The following TDRD12 variants were observed in gnomAD, a reference collection of about 807,000 sequenced individuals.
TDRD12 encodes the protein tudor domain containing 12, also known as putative ATP-dependent RNA helicase TDRD12.
A neutral mutation model predicts 133.5 loss-of-function variants in TDRD12; 158 were observed. That is an observed-to-expected ratio of 1.18 (90% CI 1.04 to 1.35). The LOEUF is 1.35. Among genes scored for constraint, TDRD12 ranks in the 40% most tolerant of loss-of-function variants. The pLI is 0.00. For synonymous variants in TDRD12, 460 were observed against 477.9 expected, an observed-to-expected ratio of 0.96 and a Z score of 0.49; for missense variants, 1,443 against 1,321.3, an observed-to-expected ratio of 1.09 and a Z score of -1.43.
At chr19:32,721,114 A>G (rs1000869592) in intron 1 of TDRD12, among the ~76,000 whole-genome samples, 2 of 151,800 alleles carry the variant, frequency 1.3e-5, no homozygotes, top group Admixed American at 6.6e-5. Flanking sequence ...CTGTTGCCCT[A>G]TCCGCTCACC....
Position 32,778,469 on chromosome 19 carries a change from A to G in TDRD12, c.1121+1240A>G, listed in dbSNP as rs539618532. 4.6e-5 allele frequency among the ~76,000 whole-genome samples: 7 copies of G among 151,866 alleles called. No individual in the cohort carries two copies. In the East Asian group the frequency reaches 1.2e-3, roughly 25 times the overall value. On this transcript the variant is annotated intron_variant, in intron 11 of 27. Coordinates refer to ENST00000444215, the Ensembl canonical transcript of TDRD12. ...TTTTCAATTATAACCTGGCAAATTAACCCTGGAATATTCTTTTTTTCATTA... is the reference window on the plus strand; with the variant it reads ...TTTTCAATTATAACCTGGCAAATTAGCCCTGGAATATTCTTTTTTTCATTA...
chr19:32,822,486 GCCTGTAATCCCAGCA>G (rs1305353348), downstream of TDRD12, among the ~76,000 whole-genome samples: 43 of 152,192 alleles, frequency 2.8e-4, no homozygotes, highest in African/African-American at 1.0e-3. Context: ...GGTGTCTCAC[GCCTGTAATCCCAGCA>G]CTTTGGGAGG....
At chr19:32,785,685 C>A (rs1214259320) in intron 11 of TDRD12, among the ~76,000 whole-genome samples, 3 of 151,920 alleles carry the variant, frequency 2.0e-5, no homozygotes, top group Non-Finnish European at 4.4e-5. Context: ...TATGTAATGG[C>A]CTTCTTTATG....
intron 3 of TDRD12, among the ~76,000 whole-genome samples, chr19:32,742,060 A>G (rs540561965): frequency 4.6e-5 from 7 of 152,302 alleles, no homozygotes; most frequent in African/African-American, 1.4e-4. Context: ...AATTTTGGTC[A>G]TATATTGAGA....
At chr19:32,815,735 C>T (rs912632164) in intron 26 of TDRD12, 115 bp downstream of exon 26, 12 of 1,019,012 alleles carry the variant, frequency 1.2e-5, no homozygotes, top group Middle Eastern at 2.2e-4. Flanking sequence ...GTGGCTCACA[C>T]CTGTAATCCC....
In TDRD12 at chr19:32,739,560, T is replaced by TTGCATCTCCTGGCTGCTGTC. The variant is rs1361059295; in HGVS notation, c.320+601_320+620dup. ...CTCTTTGCATCTCCTGGGGCTCTCT[T>TTGCATCTCCTGGCTGCTGTC]TGCATCTCCTGGCTGCTGTCTGCAT... On this transcript the variant is annotated intron_variant, in intron 3 of 27. Coordinates refer to ENST00000444215, the Ensembl canonical transcript of TDRD12. Among the ~76,000 whole-genome samples, 7 of 132,268 alleles carry TTGCATCTCCTGGCTGCTGTC rather than the reference T, an allele frequency of 5.3e-5. No individual in the cohort carries two copies. In the South Asian group the frequency reaches 1.1e-3, roughly 20 times the overall value. 86.8% of individuals were successfully genotyped at this position (132,268 alleles called of 152,430 possible). A position where few individuals can be genotyped will look rare whatever the true frequency, so the allele number is the denominator to read the frequency against.
intron 23 of TDRD12, 62 bp downstream of exon 23, chr19:32,810,339 A>G: frequency 5.9e-6 from 8 of 1,362,764 alleles, no homozygotes; most frequent in Non-Finnish European, 7.8e-6. Context: ...AGTGGTGTTG[A>G]GTTCCGATTT....
At chr19:32,777,795 C>T (rs570702029) in intron 11 of TDRD12, among the ~76,000 whole-genome samples, 7 of 119,566 alleles carry the variant, frequency 5.9e-5, no homozygotes, top group African/African-American at 2.2e-4. Context: ...TAGGCATGCA[C>T]CACCATAACT....
intron 8 of TDRD12, among the ~76,000 whole-genome samples, chr19:32,768,949 G>T (rs1970370206): frequency 6.6e-6 from 1 of 151,982 alleles, no homozygotes; most frequent in African/African-American, 2.4e-5. Context: ...CCATATGCTG[G>T]CCAGGCTGGT....
chr19:32,774,302 C>CTT (rs2145605030), intron 10 of TDRD12, among the ~76,000 whole-genome samples: 1 of 152,272 alleles, frequency 6.6e-6, no homozygotes, highest in East Asian at 1.9e-4. Flanking sequence ...AGAGAGTTAA[C>CTT]TAACAAAAAT....
chr19:32,774,841 T>C (rs527660997), intron 10 of TDRD12, among the ~76,000 whole-genome samples: 5 of 151,988 alleles, frequency 3.3e-5, no homozygotes, highest in South Asian at 2.1e-4. Flanking sequence ...AAAAGTTAGC[T>C]GGGCGTGGTG....
At chr19:32,804,473 C>A (rs1475066198) in intron 21 of TDRD12, among the ~76,000 whole-genome samples, 1 of 150,632 alleles carries the variant, frequency 6.6e-6, no homozygotes, top group Non-Finnish European at 1.5e-5. Flanking sequence ...GCAGGCAGAT[C>A]ACAAGGTCAA....
rs1555763912 is a variant in TDRD12 at position 32,744,510 on chromosome 19, A to AAC, written c.440+1611_440+1612insCA. Among the ~76,000 whole-genome samples, 9 of 149,828 alleles carry AAC rather than the reference A, an allele frequency of 6.0e-5. No homozygotes were observed. In the East Asian group the frequency reaches 6.0e-4, roughly 10 times the overall value. ...GTGAGACTCCGTCTCAAAAAAAAAAAAAAAAAAAAAAAAACAAAAGAATAT... is the reference window on the plus strand; with the variant it reads ...GTGAGACTCCGTCTCAAAAAAAAAAAACAAAAAAAAAAAAAACAAAAGAATAT... On this transcript the variant is annotated intron_variant, in intron 4 of 27. Coordinates refer to ENST00000444215, the Ensembl canonical transcript of TDRD12.
chr19:32,810,000 G>A, intron 22 of TDRD12, 93 bp from the exon 23 acceptor site: 2 of 801,928 alleles, frequency 2.5e-6, no homozygotes, highest in Non-Finnish European at 3.5e-6. Context: ...GGTTTCTTAG[G>A]TTGGGTACTG....
rs56059308 is a variant in TDRD12, at chr19:32,783,213, A to G, written c.1121+5984A>G. Among the ~76,000 whole-genome samples, 676 of 152,270 alleles carry G rather than the reference A, an allele frequency of 4.4e-3. 2 individuals carry two copies. The highest frequency in any genetic ancestry group is 7.3e-3 in the Non-Finnish European group (496 of 68,022). ...CCAGTTTTCCCAACACCATTTATTA[A>G]ATAGAGAATCTTTTCCCCATTGCTT... On this transcript the variant is annotated intron_variant, in intron 11 of 27. Transcript: ENST00000444215.
At chr19:32,749,852 A>G (rs1969772082) in exon 6 of TDRD12, 2 of 1,542,430 alleles carry the variant, frequency 1.3e-6, no homozygotes, top group African/African-American at 2.7e-5. Flanking sequence ...CCTTTATGTA[A>G]CTATAAAAGA....
At chr19:32,757,326 G>A (rs1970025363) in intron 8 of TDRD12, among the ~76,000 whole-genome samples, 196 bp downstream of exon 8, 1 of 152,090 alleles carries the variant, frequency 6.6e-6, no homozygotes, top group Non-Finnish European at 1.5e-5. Flanking sequence ...TTACTGTCAC[G>A]TAAAGAACAT....
chr19:32,800,695 C>G (rs1205225807), exon 18 of TDRD12: 1 of 1,535,624 alleles, frequency 6.5e-7, no homozygotes, highest in Non-Finnish European at 8.7e-7. Flanking sequence ...ACTCCAAGCT[C>G]TTGATTTTAT....
At chr19:32,826,839 G>A (rs1967609205) in intron 9 of TDRD12, 90 bp downstream of exon 32, 1 of 794,052 alleles carries the variant, frequency 1.3e-6, no homozygotes, top group Non-Finnish European at 1.7e-6. Flanking sequence ...CAGCCTTGGT[G>A]GAAGTGGACC....
Sources: allele counts gnomAD v4.1 joint callset (sites outside exome capture counted in the v4.1 genomes callset), GRCh38; gene constraint gnomAD v4.1.1; transcripts MANE v1.5; gene names NCBI Gene and HGNC (gene_info 2026-07-23, HGNC 2026-07-21).